The following TAF4B variants were observed in gnomAD, a reference collection of about 807,000 sequenced individuals.
TAF4B encodes transcription initiation factor TFIID subunit 4B.
TAF4B carries 38 observed loss-of-function variants against 86.4 expected under a neutral mutation model. The ratio of observed to expected loss-of-function variants is 0.44; its 90% confidence interval spans 0.34 to 0.58. TAF4B has a LOEUF of 0.58. TAF4B is among the 20% of genes least tolerant of loss of function. TAF4B has a pLI of 0.02. For synonymous variants in TAF4B, 388 were observed against 391.2 expected (o/e 0.99, Z 0.10); for missense variants, 988 against 1,027.6 (o/e 0.96, Z 0.53).
chr18:26,367,014 T>C lies in TAF4B; in HGVS notation c.2421+9220T>C, dbSNP rs559923062. Reference sequence around the variant, plus strand: ...TCCCCAAAGTTCTATAATTAGTAAGTAGAAGAACCCAAGTACATGTCCAAA... The same window carrying C: ...TCCCCAAAGTTCTATAATTAGTAAGCAGAAGAACCCAAGTACATGTCCAAA... On this transcript the variant is annotated intron_variant, in intron 14 of 14. Coordinates refer to ENST00000269142, the MANE Select transcript of TAF4B (RefSeq NM_005640.3). Among the ~76,000 whole-genome samples the C allele has an allele frequency of 2.0e-5, 3 of 152,296 alleles. No individual in the cohort carries two copies. The East Asian group carries it at 5.8e-4, about 29-fold the overall frequency.
intron 14 of TAF4B, among the ~76,000 whole-genome samples, chr18:26,381,767 A>AAATAAATC (rs1555627191): frequency 2.0e-5 from 3 of 147,370 alleles, no homozygotes; most frequent in South Asian, 2.1e-4. Context: ...ATAAATAAAT[A>AAATAAATC]AATCCAAACC....
chr18:26,361,635 C>T (rs895892992), intron 14 of TAF4B, among the ~76,000 whole-genome samples: 1 of 149,658 alleles, frequency 6.7e-6, no homozygotes, highest in Non-Finnish European at 1.5e-5. Flanking sequence ...ATCCTAGCTA[C>T]GTGGGGGGTT....
intron 13 of TAF4B, among the ~76,000 whole-genome samples, chr18:26,338,952 T>C (rs1363727151): frequency 6.6e-6 from 1 of 152,250 alleles, no homozygotes; most frequent in Non-Finnish European, 1.5e-5. Context: ...CTTTTGGCTC[T>C]TAAAAACAGA....
intron 1 of TAF4B, among the ~76,000 whole-genome samples, chr18:26,250,098 C>T (rs904022805): frequency 6.6e-6 from 1 of 151,954 alleles, no homozygotes; most frequent in Non-Finnish European, 1.5e-5. Context: ...TGGAGTGGCT[C>T]GAACATGGCT....
intron 13 of TAF4B, among the ~76,000 whole-genome samples, chr18:26,357,271 A>T (rs1286358004): frequency 1.3e-5 from 2 of 152,204 alleles, no homozygotes; most frequent in Non-Finnish European, 2.9e-5. Context: ...TGTAAATTAT[A>T]TAGCATAGTA....
chr18:26,240,683 C>G (rs1237460590), intron 1 of TAF4B, among the ~76,000 whole-genome samples: 2 of 152,150 alleles, frequency 1.3e-5, no homozygotes, highest in Non-Finnish European at 2.9e-5. Context: ...GGGAATGCTT[C>G]CAGTTTTTGT....
At chr18:26,273,948 A>G (rs1049464729) in intron 3 of TAF4B, among the ~76,000 whole-genome samples, 1 of 152,130 alleles carries the variant, frequency 6.6e-6, no homozygotes, top group Non-Finnish European at 1.5e-5. Context: ...CCTGATCCCC[A>G]AACTTTTATT....
intron 13 of TAF4B, among the ~76,000 whole-genome samples, chr18:26,354,643 C>T (rs943855253): frequency 1.3e-5 from 2 of 152,148 alleles, no homozygotes; most frequent in African/African-American, 4.8e-5. Flanking sequence ...GAAGTTTGGT[C>T]AAGGAGAGAA....
intron 13 of TAF4B, among the ~76,000 whole-genome samples, chr18:26,346,803 A>ATATATATATATGTGTGTG (rs1740972777): frequency 5.6e-5 from 1 of 17,914 alleles, no homozygotes; most frequent in African/African-American, 1.7e-4. Flanking sequence ...ATATATGTGT[A>ATATATATATATGTGTGTG]TATATATATA....
intron 13 of TAF4B, among the ~76,000 whole-genome samples, chr18:26,339,805 G>C (rs1045123534): frequency 1.3e-5 from 2 of 152,126 alleles, no homozygotes; most frequent in African/African-American, 4.8e-5. Context: ...AGAGCTATTT[G>C]TCTGACTTTG....
In TAF4B at chr18:26,354,509, G is replaced by A. The variant is rs560835859; in HGVS notation, c.2317-3181G>A. On this transcript the variant is annotated intron_variant, in intron 13 of 14. Transcript: ENST00000269142. ...ATGGAACAAATAGTAAATTATTCTAGCAGTCTTGAGTTTTTTCAGTTAGGC... is the reference window on the plus strand; with the variant it reads ...ATGGAACAAATAGTAAATTATTCTAACAGTCTTGAGTTTTTTCAGTTAGGC... Among the ~76,000 whole-genome samples, 17 of 152,318 alleles carry A rather than the reference G, an allele frequency of 1.1e-4. No individual in the cohort carries two copies. The South Asian group carries it at 3.1e-3, about 28-fold the overall frequency.
chr18:26,381,053 C>T (rs566289955), intron 14 of TAF4B, among the ~76,000 whole-genome samples: 7 of 152,178 alleles, frequency 4.6e-5, no homozygotes, highest in Non-Finnish European at 4.4e-5. Flanking sequence ...CTTGCCCTGT[C>T]GCCCAGGCTG....
intron 1 of TAF4B, among the ~76,000 whole-genome samples, chr18:26,247,692 G>A (rs1279868264): frequency 6.6e-6 from 1 of 151,862 alleles, no homozygotes; most frequent in African/African-American, 2.4e-5. Context: ...GACCAGCCTC[G>A]CCAACATAGC....
chr18:26,321,300 G>T, intron 11 of TAF4B, 100 bp downstream of exon 11: 1 of 1,227,894 alleles, frequency 8.1e-7, no homozygotes. Flanking sequence ...GAATGGTTGA[G>T]GCTTATATTT....
intron 9 of TAF4B, among the ~76,000 whole-genome samples, chr18:26,310,771 C>T (rs1455170868): frequency 6.6e-6 from 1 of 152,096 alleles, no homozygotes; most frequent in Non-Finnish European, 1.5e-5. Flanking sequence ...TACCCAGGTT[C>T]CCAGCCTAGA....
intron 1 of TAF4B, among the ~76,000 whole-genome samples, chr18:26,263,026 C>T (rs1367241981): frequency 3.3e-5 from 5 of 152,156 alleles, no homozygotes; most frequent in Non-Finnish European, 7.3e-5. Flanking sequence ...TCATAGCTCA[C>T]TACAGCCTTG....
At position 26,285,210 on chromosome 18, in the gene TAF4B, C is replaced by CTTTCCTTTTTT. The variant is rs2056496143; in HGVS notation, c.973-669_973-668insCCTTTTTTTTT. Among the ~76,000 whole-genome samples the CTTTCCTTTTTT allele has an allele frequency of 9.4e-5, 4 of 42,550 alleles. 1 individual carries two copies. The highest frequency in any genetic ancestry group is 3.2e-4 in the Admixed American group (1 of 3,158). The allele number at this position is 42,550 out of a possible 152,430, so 27.9% of individuals were successfully genotyped here. ...CTTTTAAAGACTATTTCTTCCTTTC[C>CTTTCCTTTTTT]TTTTTTTTTTTGTTTTTTTTTTTTT... On this transcript the variant is annotated intron_variant, in intron 6 of 14. Transcript: ENST00000269142.
At chr18:26,242,239 T>C (rs193081762) in intron 1 of TAF4B, among the ~76,000 whole-genome samples, 13 of 152,324 alleles carry the variant, frequency 8.5e-5, no homozygotes, top group South Asian at 6.2e-4. Flanking sequence ...TGTAGGTCTC[T>C]AAGGACTTGC....
In TAF4B at chr18:26,227,186, G is replaced by A. The variant is rs752239406; in HGVS notation, c.253G>A (p.Gly85Ser). 1.2e-5 allele frequency: 20 copies of A among 1,613,920 alleles called. No homozygotes were observed. Among genetic ancestry groups the A allele is most frequent in the Non-Finnish European group, 1.7e-5 (20 of 1,179,992 alleles). ...CAGCGCCCCTCCTAAAGTCAGCAGCGGCCCTAGGCTGCCTGCTCCTCAGAT... is the reference window on the plus strand; with the variant it reads ...CAGCGCCCCTCCTAAAGTCAGCAGCAGCCCTAGGCTGCCTGCTCCTCAGAT... The part of the protein sequence containing the change: ...PVSAPPKVSS[G>S]PRLPAPQIVA... Residue 85 changes from glycine to serine, a missense_variant, in exon 1 of 15, where the codon GGC (glycine) becomes AGC (serine). Transcript: ENST00000269142.
Sources: allele counts gnomAD v4.1 joint callset (sites outside exome capture counted in the v4.1 genomes callset), GRCh38; gene constraint gnomAD v4.1.1; transcripts MANE v1.5; gene names NCBI Gene and HGNC (gene_info 2026-07-23, HGNC 2026-07-21).